The following CHRNA9 variants were observed in gnomAD, a reference collection of about 807,000 sequenced individuals.
The protein encoded by CHRNA9 is neuronal acetylcholine receptor subunit alpha-9.
In CHRNA9, 24 loss-of-function variants were observed where a neutral mutation model predicts 36.8. The ratio of observed to expected loss-of-function variants is 0.65; its 90% CI spans 0.47 to 0.92. CHRNA9 has a LOEUF of 0.92. Among genes scored for constraint, CHRNA9 ranks in the 40% least tolerant of loss-of-function variants. The pLI is 0.00. For missense variants in CHRNA9, 610 were observed against 601.2 expected, an observed-to-expected ratio of 1.01 and a Z score of -0.15; for synonymous variants, 231 against 231.8, an observed-to-expected ratio of 1.00 and a Z score of 0.03.
intron 1 of CHRNA9, 87 bp downstream of exon 1, chr4:40,335,618 C>A (rs1435743952): frequency 1.2e-5 from 14 of 1,135,148 alleles, no homozygotes; most frequent in Non-Finnish European, 1.7e-5. Flanking sequence ...GAAGACAAAA[C>A]AGATGATTCA....
chr4:40,341,234 T>C (rs1330183982), intron 3 of CHRNA9, among the ~76,000 whole-genome samples: 1 of 152,002 alleles, frequency 6.6e-6, no homozygotes, highest in African/African-American at 2.4e-5. Context: ...TTACAGAAAT[T>C]TTAAATTTGA....
At chr4:40,347,722 T>G (rs993259634) in intron 3 of CHRNA9, 3 of 152,238 alleles carry the variant, frequency 2.0e-5, no homozygotes, top group Non-Finnish European at 4.4e-5. Context: ...AATACAATGT[T>G]ATTGACTAAA....
At chr4:40,350,355 G>A (rs946083323) in intron 4 of CHRNA9, among the ~76,000 whole-genome samples, 1 of 152,190 alleles carries the variant, frequency 6.6e-6, no homozygotes, top group East Asian at 1.9e-4. Flanking sequence ...TACCACCCCT[G>A]CCTCCCCTAT....
chr4:40,351,725 A>T (rs1712810768), intron 4 of CHRNA9, among the ~76,000 whole-genome samples: 1 of 152,216 alleles, frequency 6.6e-6, no homozygotes, highest in Admixed American at 6.5e-5. Flanking sequence ...CTTTGTCTTC[A>T]TCTATTAAGA....
Position 40,354,174 on chromosome 4 carries a change from G to C in CHRNA9, c.1094G>C (p.Arg365Thr). The C allele has an allele frequency of 6.2e-7, 1 of 1,614,166 alleles. No individual in the cohort carries two copies. The change falls in exon 5 of 5, where the codon AGA becomes ACA. Residue 365 changes from arginine to threonine, a missense_variant. By Grantham distance (71) the Arg-to-Thr change is moderately conservative. Transcript: ENST00000310169. ...GESCLSPHHS[R>T]ERDHLTKVYS... ...AGCTGCCTCAGCCCGCACCACAGTA[G>C]AGAGCGGGACCACCTCACGAAAGTT...
chr4:40,347,831 T>C (rs978601213), intron 3 of CHRNA9: 1 of 152,234 alleles, frequency 6.6e-6, no homozygotes, highest in African/African-American at 2.4e-5. Flanking sequence ...AAATATACTT[T>C]TCGGGGAAAA....
chr4:40,352,089 C>A (rs576230090), intron 4 of CHRNA9, among the ~76,000 whole-genome samples: 2 of 152,210 alleles, frequency 1.3e-5, no homozygotes, highest in East Asian at 3.9e-4. Flanking sequence ...TATTTTTGGG[C>A]CTGGAACATT....
At chr4:40,337,460 A>C in intron 3 of CHRNA9, 96 bp downstream of exon 3, 1 of 1,347,874 alleles carries the variant, frequency 7.4e-7, no homozygotes, top group South Asian at 1.4e-5. Context: ...AACATGCATG[A>C]AATTAAATAT....
At chr4:40,336,643 ATT>A (rs34914109) in intron 2 of CHRNA9, among the ~76,000 whole-genome samples, 3,662 of 149,744 alleles carry the variant, frequency 0.024, 160 homozygotes, top group African/African-American at 0.086. Flanking sequence ...CACCCGGCTA[ATT>A]TTTTTTTTGT....
chr4:40,337,486 G>A, intron 3 of CHRNA9, 122 bp downstream of exon 3: 1 of 1,083,334 alleles, frequency 9.2e-7, no homozygotes, highest in East Asian at 2.6e-5. Flanking sequence ...CATGTTCCTA[G>A]GACTTACTGA....
At chr4:40,338,255 A>G (rs1167365745) in intron 3 of CHRNA9, 1 of 152,150 alleles carries the variant, frequency 6.6e-6, no homozygotes, top group Admixed American at 6.5e-5. Context: ...GGTAAAGTTT[A>G]TGTTTCGCAA....
chr4:40,343,483 GA>G (rs1712557075), intron 3 of CHRNA9, among the ~76,000 whole-genome samples: 1 of 152,074 alleles, frequency 6.6e-6, no homozygotes, highest in African/African-American at 2.4e-5. Flanking sequence ...GATCAGCACA[GA>G]AAAAACCCGC....
At chr4:40,339,432 C>T (rs375144446) in intron 3 of CHRNA9, among the ~76,000 whole-genome samples, 12 of 151,210 alleles carry the variant, frequency 7.9e-5, no homozygotes, top group African/African-American at 2.7e-4. Context: ...CCTGTAATCC[C>T]AGCACCTTGG....
chr4:40,348,329 T>C (rs1577548463), intron 3 of CHRNA9, among the ~76,000 whole-genome samples: 1 of 152,158 alleles, frequency 6.6e-6, no homozygotes, highest in Non-Finnish European at 1.5e-5. Flanking sequence ...ATACAAGGCA[T>C]AAATATTGAT....
At chr4:40,340,705 T>C (rs1402501393) in intron 3 of CHRNA9, among the ~76,000 whole-genome samples, 2 of 152,080 alleles carry the variant, frequency 1.3e-5, no homozygotes, top group Admixed American at 6.6e-5. Context: ...GGCAGGAAGA[T>C]GCTTAGCATC....
At chr4:40,346,325 T>C (rs1343143623) in intron 3 of CHRNA9, among the ~76,000 whole-genome samples, 1 of 152,246 alleles carries the variant, frequency 6.6e-6, no homozygotes, top group Non-Finnish European at 1.5e-5. Context: ...CTGCACTTTC[T>C]CCTCACCTCT....
At chr4:40,345,946 AC>A (rs1712626020) in intron 3 of CHRNA9, among the ~76,000 whole-genome samples, 1 of 152,146 alleles carries the variant, frequency 6.6e-6, no homozygotes, top group Non-Finnish European at 1.5e-5. Context: ...AATTGCTTGA[AC>A]CCAGGAGGCA....
At chr4:40,351,282 A>G (rs1712798665) in intron 4 of CHRNA9, among the ~76,000 whole-genome samples, 1 of 151,722 alleles carries the variant, frequency 6.6e-6, no homozygotes, top group Non-Finnish European at 1.5e-5. Context: ...CAGTGAGCCA[A>G]GATTGCACCA....
intron 2 of CHRNA9, among the ~76,000 whole-genome samples, chr4:40,336,314 G>A (rs1712317366): frequency 6.6e-6 from 1 of 152,170 alleles, no homozygotes; most frequent in Admixed American, 6.5e-5. Flanking sequence ...GGAGGACGGG[G>A]AAAACGGCCA....
Sources: gnomAD v4.1 joint callset for allele counts (sites outside exome capture counted in the v4.1 genomes callset) on GRCh38, gnomAD v4.1.1 for gene constraint, MANE v1.5 for transcripts, NCBI Gene and HGNC (gene_info 2026-07-23, HGNC 2026-07-21) for gene names.